Variants in ZMAT4 observed in about 807,000 individuals in gnomAD.
ZMAT4 encodes zinc finger matrin-type 4, also known as zinc finger matrin-type protein 4.
ZMAT4 carries 17 observed loss-of-function variants against 28.7 expected under a neutral mutation model. That is an observed-to-expected ratio of 0.59 (90% CI 0.41 to 0.89). The LOEUF is 0.89. Ranked by LOEUF, ZMAT4 falls within the 40% of genes least tolerant of loss-of-function variation. The pLI, the probability that ZMAT4 is intolerant of heterozygous loss-of-function variation, is 0.00. For missense variants in ZMAT4, 240 were observed against 283.8 expected (o/e 0.85, Z 1.11); for synonymous variants, 117 against 109.2 (o/e 1.07, Z -0.44).
intron 5 of ZMAT4, among the ~76,000 whole-genome samples, chr8:40,625,600 A>T (rs936294325): frequency 6.6e-6 from 1 of 152,172 alleles, no homozygotes; most frequent in Non-Finnish European, 1.5e-5. Flanking sequence ...AGCTTTGGGC[A>T]AAAGTAATTG....
At chr8:40,875,249 C>T (rs2150658098) in intron 1 of ZMAT4, among the ~76,000 whole-genome samples, 1 of 152,278 alleles carries the variant, frequency 6.6e-6, no homozygotes, top group Middle Eastern at 3.4e-3. Flanking sequence ...CCATAGTACA[C>T]ATACAAACTC....
At chr8:40,581,040 T>G (rs1804447511) in intron 6 of ZMAT4, 125 bp downstream of exon 6, 2 of 717,920 alleles carry the variant, frequency 2.8e-6, no homozygotes, top group South Asian at 4.0e-5. Flanking sequence ...TCATGTGAAC[T>G]TTGAAGCAAA....
intron 3 of ZMAT4, among the ~76,000 whole-genome samples, chr8:40,703,544 G>T (rs189400049): frequency 2.0e-5 from 3 of 152,174 alleles, no homozygotes; most frequent in Non-Finnish European, 4.4e-5. Context: ...TAAATACAGA[G>T]AGTGAATTAG....
chr8:40,570,971 C>A (rs1221474430), intron 6 of ZMAT4, among the ~76,000 whole-genome samples: 4 of 152,062 alleles, frequency 2.6e-5, no homozygotes, highest in East Asian at 1.9e-4. Flanking sequence ...TCTGAAGCAG[C>A]ATCGTAAGAA....
chr8:40,607,609 AGTCATATT>A (rs1485243120), intron 5 of ZMAT4, among the ~76,000 whole-genome samples: 1 of 151,938 alleles, frequency 6.6e-6, no homozygotes, highest in Non-Finnish European at 1.5e-5. Context: ...CACCTTGTTT[AGTCATATT>A]ACCAGAATTG....
At chr8:40,550,261 G>T (rs367791833) in intron 6 of ZMAT4, among the ~76,000 whole-genome samples, 136 of 152,218 alleles carry the variant, frequency 8.9e-4, no homozygotes, top group African/African-American at 3.0e-3. Flanking sequence ...TTCTGAGATT[G>T]CACAGTGTCC....
chr8:40,852,840 A>T (rs1251587376), intron 1 of ZMAT4, among the ~76,000 whole-genome samples: 1 of 152,196 alleles, frequency 6.6e-6, no homozygotes, highest in Non-Finnish European at 1.5e-5. Context: ...AATATCAACC[A>T]TTTCATCAGA....
intron 3 of ZMAT4, among the ~76,000 whole-genome samples, chr8:40,701,560 C>T (rs780798928): frequency 1.5e-4 from 20 of 132,766 alleles, no homozygotes; most frequent in African/African-American, 5.7e-4. Context: ...CTCTGCCTCC[C>T]AGGCTGGAGT....
At chr8:40,606,649 A>ATG (rs1805589447) in intron 5 of ZMAT4, among the ~76,000 whole-genome samples, 2 of 152,266 alleles carry the variant, frequency 1.3e-5, no homozygotes, top group East Asian at 3.9e-4. Flanking sequence ...CCTGATGACT[A>ATG]TGTGCCTAAG....
In ZMAT4 at chr8:40,875,486, G is replaced by C. The variant is rs553726443; in HGVS notation, c.-5+22197C>G. 3.4e-3 allele frequency among the ~76,000 whole-genome samples: 512 copies of C among 152,256 alleles called. 1 individual carries two copies. Among genetic ancestry groups the C allele is most frequent in the African/African-American group, 0.012 (486 of 41,524 alleles). ...AACTGACAGTCAATACAGCATATTG[G>C]TGCTTGCAGCCACCCCCCTACCATC... On this transcript the variant is annotated intron_variant, in intron 1 of 6. Coordinates refer to ENST00000297737, the MANE Select transcript of ZMAT4 (RefSeq NM_024645.3).
chr8:40,670,626 A>G (rs990595651), intron 5 of ZMAT4, among the ~76,000 whole-genome samples: 9 of 152,246 alleles, frequency 5.9e-5, no homozygotes, highest in African/African-American at 2.2e-4. Flanking sequence ...TAATGCATAT[A>G]TTCAACAAAG....
chr8:40,699,890 C>T (rs141100959), intron 3 of ZMAT4, among the ~76,000 whole-genome samples: 1 of 152,368 alleles, frequency 6.6e-6, no homozygotes, highest in East Asian at 1.9e-4. Context: ...AGTGAAAACT[C>T]CAGCCATGCC....
At chr8:40,751,254 T>A (rs973838642) in intron 3 of ZMAT4, among the ~76,000 whole-genome samples, 8 of 152,188 alleles carry the variant, frequency 5.3e-5, no homozygotes, top group South Asian at 2.1e-4. Context: ...AGAAAACAGA[T>A]TTAACTGGCT....
chr8:40,566,173 C>A (rs1164547324), intron 6 of ZMAT4, among the ~76,000 whole-genome samples: 2 of 152,140 alleles, frequency 1.3e-5, no homozygotes, highest in Non-Finnish European at 2.9e-5. Flanking sequence ...CACTATCTCA[C>A]TGAAAACCTC....
chr8:40,711,311 A>G (rs1397714249), intron 3 of ZMAT4, among the ~76,000 whole-genome samples: 1 of 152,242 alleles, frequency 6.6e-6, no homozygotes, highest in African/African-American at 2.4e-5. Context: ...AAAAAAATAG[A>G]AGAAAACAGC....
At chr8:40,813,245 C>A (rs1323771942) in intron 2 of ZMAT4, among the ~76,000 whole-genome samples, 3 of 152,088 alleles carry the variant, frequency 2.0e-5, no homozygotes, top group African/African-American at 7.2e-5. Context: ...AAAGTCATAT[C>A]AAACCTCATG....
chr8:40,697,223 C>A (rs11781516), intron 4 of ZMAT4, 22 bp downstream of exon 4: 1 of 1,571,870 alleles, frequency 6.4e-7, no homozygotes, highest in South Asian at 1.2e-5. Flanking sequence ...GGTCTCCCCA[C>A]GATCACTGTT....
At chr8:40,630,160 G>T (rs1202321913) in intron 5 of ZMAT4, among the ~76,000 whole-genome samples, 1 of 152,090 alleles carries the variant, frequency 6.6e-6, no homozygotes, top group African/African-American at 2.4e-5. Flanking sequence ...CTCTTGTTTG[G>T]ACCAAATTCC....
At chr8:40,810,014 GC>G (rs1394725569) in intron 2 of ZMAT4, among the ~76,000 whole-genome samples, 2 of 152,142 alleles carry the variant, frequency 1.3e-5, no homozygotes, top group African/African-American at 4.8e-5. Context: ...CTGCACTCCA[GC>G]CTGTGTGACA....
Sources: allele counts gnomAD v4.1 joint callset (sites outside exome capture counted in the v4.1 genomes callset), GRCh38; gene constraint gnomAD v4.1.1; transcripts MANE v1.5; gene names NCBI Gene and HGNC (gene_info 2026-07-23, HGNC 2026-07-21).